Variants in CPN1 observed in about 807,000 individuals in gnomAD.
CPN1 encodes carboxypeptidase N subunit 1.
In CPN1, 37 loss-of-function variants were observed where a neutral mutation model predicts 46.4. The ratio of observed to expected loss-of-function variants is 0.80; its 90% CI spans 0.61 to 1.05. CPN1 has a LOEUF of 1.05. Among genes scored for constraint, CPN1 ranks in the 50% least tolerant of loss-of-function variants. The probability of loss-of-function intolerance (pLI) is 0.00; values close to 1 mark genes in which losing one functional copy is unlikely to be tolerated. For synonymous variants in CPN1, 224 were observed against 235.4 expected, an observed-to-expected ratio of 0.95 and a Z score of 0.44; for missense variants, 563 against 602.6, an observed-to-expected ratio of 0.93 and a Z score of 0.69.
intron 1 of CPN1, among the ~76,000 whole-genome samples, chr10:100,080,003 T>A (rs2041535193): frequency 6.6e-6 from 1 of 152,014 alleles, no homozygotes; most frequent in Admixed American, 6.6e-5. Flanking sequence ...GGAGAATTGC[T>A]TGAACCCGGG....
At chr10:100,078,892 A>G (rs2041529452) in intron 1 of CPN1, among the ~76,000 whole-genome samples, 1 of 152,010 alleles carries the variant, frequency 6.6e-6, no homozygotes, top group Non-Finnish European at 1.5e-5. Context: ...CATGGCTGTG[A>G]CCTCCTCTCT....
At chr10:100,070,851 T>C in intron 2 of CPN1, among the ~76,000 whole-genome samples, 1 of 152,258 alleles carries the variant, frequency 6.6e-6, no homozygotes, top group Admixed American at 6.5e-5. Flanking sequence ...TCAATGAATT[T>C]TAGTATGTTT....
chr10:100,053,676 T>A (rs1001631121), intron 7 of CPN1, among the ~76,000 whole-genome samples: 11 of 152,082 alleles, frequency 7.2e-5, no homozygotes, highest in African/African-American at 2.7e-4. Flanking sequence ...CACCTACCTG[T>A]AACCATAACC....
At chr10:100,052,790 G>A (rs2041363573) in intron 7 of CPN1, among the ~76,000 whole-genome samples, 2 of 152,096 alleles carry the variant, frequency 1.3e-5, no homozygotes, top group African/African-American at 4.8e-5. Flanking sequence ...TGAGGAGGGA[G>A]GCTCACCTGA....
chr10:100,075,387 G>T (rs745887193), intron 2 of CPN1, among the ~76,000 whole-genome samples: 10 of 152,182 alleles, frequency 6.6e-5, no homozygotes, highest in African/African-American at 9.7e-5. Context: ...ACTAGTAGAG[G>T]AAACAACTCT....
chr10:100,067,408 G>A (rs925403303), intron 3 of CPN1, among the ~76,000 whole-genome samples: 6 of 152,038 alleles, frequency 3.9e-5, no homozygotes, highest in Non-Finnish European at 8.8e-5. Context: ...GAGCCACTGC[G>A]CCCAGCCTTA....
At chr10:100,068,691 C>T (rs1226654335) in intron 3 of CPN1, among the ~76,000 whole-genome samples, 1 of 152,146 alleles carries the variant, frequency 6.6e-6, no homozygotes, top group Non-Finnish European at 1.5e-5. Context: ...TGTGCCACTA[C>T]ACCCAGCTAA....
At chr10:100,055,034 T>C (rs541324695) in intron 6 of CPN1, among the ~76,000 whole-genome samples, 26 of 151,948 alleles carry the variant, frequency 1.7e-4, no homozygotes, top group African/African-American at 5.5e-4. Context: ...GGTCAGGAGT[T>C]TGAGACCAGC....
chr10:100,047,071 C>CGA (rs1295757589), intron 8 of CPN1, among the ~76,000 whole-genome samples: 1 of 142,858 alleles, frequency 7.0e-6, no homozygotes, highest in Non-Finnish European at 1.5e-5. Flanking sequence ...GAGACTCTGT[C>CGA]GAAAAAAAAA....
chr10:100,071,161 C>T (rs1210998310), intron 2 of CPN1, among the ~76,000 whole-genome samples: 2 of 152,162 alleles, frequency 1.3e-5, no homozygotes, highest in African/African-American at 4.8e-5. Flanking sequence ...GGATTTATCA[C>T]ATTTTGTTTA....
At chr10:100,048,587 T>A (rs540173165) in intron 8 of CPN1, among the ~76,000 whole-genome samples, 171 bp downstream of exon 8, 1 of 152,266 alleles carries the variant, frequency 6.6e-6, no homozygotes, top group South Asian at 2.1e-4. Flanking sequence ...CACTCCCAGC[T>A]ACTCGGGAGG....
At chr10:100,070,752 C>T (rs954259396) in intron 2 of CPN1, among the ~76,000 whole-genome samples, 2 of 152,082 alleles carry the variant, frequency 1.3e-5, no homozygotes, top group Admixed American at 6.6e-5. Flanking sequence ...TAGGGTGTTT[C>T]GGGATCATGG....
intron 3 of CPN1, among the ~76,000 whole-genome samples, chr10:100,068,492 C>T (rs563004298): frequency 1.1e-4 from 17 of 151,750 alleles, no homozygotes; most frequent in African/African-American, 3.4e-4. Context: ...GGATTACAGG[C>T]GTGAGCCACC....
chr10:100,077,671 T>C (rs968394784), intron 1 of CPN1, among the ~76,000 whole-genome samples: 2 of 152,242 alleles, frequency 1.3e-5, no homozygotes, highest in African/African-American at 4.8e-5. Context: ...GGAATGCTTA[T>C]AATCCATAAG....
intron 6 of CPN1, among the ~76,000 whole-genome samples, chr10:100,056,731 T>C (rs956330183): frequency 6.6e-6 from 1 of 151,454 alleles, no homozygotes; most frequent in Non-Finnish European, 1.5e-5. Context: ...TTTTTTTTTT[T>C]AGTAGACATG....
At chr10:100,051,743 G>C (rs1199677874) in intron 7 of CPN1, among the ~76,000 whole-genome samples, 1 of 152,056 alleles carries the variant, frequency 6.6e-6, no homozygotes, top group Non-Finnish European at 1.5e-5. Flanking sequence ...AGGCCAGGCT[G>C]GTCTTGAACT....
chr10:100,054,748 A>T (rs2041375246), intron 6 of CPN1, among the ~76,000 whole-genome samples: 1 of 151,318 alleles, frequency 6.6e-6, no homozygotes, highest in African/African-American at 2.4e-5. Context: ...GCTACCTGTT[A>T]GCTCTCTGAT....
intron 8 of CPN1, among the ~76,000 whole-genome samples, chr10:100,043,106 A>G (rs1261873740): frequency 1.3e-5 from 2 of 149,956 alleles, no homozygotes; most frequent in East Asian, 1.9e-4. Context: ...AAAAAAAAAA[A>G]AAAGAAAAAA....
At chr10:100,051,893 T>C (rs1331830378) in intron 7 of CPN1, among the ~76,000 whole-genome samples, 1 of 151,688 alleles carries the variant, frequency 6.6e-6, no homozygotes, top group East Asian at 1.9e-4. Context: ...TTAGTGGGGT[T>C]TAATATGTTT....
Sources: gnomAD v4.1 joint callset for allele counts (sites outside exome capture counted in the v4.1 genomes callset) on GRCh38, gnomAD v4.1.1 for gene constraint, MANE v1.5 for transcripts, NCBI Gene and HGNC (gene_info 2026-07-23, HGNC 2026-07-21) for gene names.